The following CERS6 variants were observed in gnomAD, a reference collection of about 807,000 sequenced individuals.
CERS6 encodes the protein LAG1 homolog, ceramide synthase 6.
In CERS6, 26 loss-of-function variants were observed where a neutral mutation model predicts 56.8. The observed-to-expected ratio is 0.46, with a 90% confidence interval of 0.34 to 0.63. The LOEUF (loss-of-function observed/expected upper bound fraction) is 0.63, where lower values mean the gene tolerates loss of function less well. Ranked by LOEUF, CERS6 falls within the 30% of genes least tolerant of loss-of-function variation. CERS6 has a pLI of 0.01. For synonymous variants in CERS6, 164 were observed against 173.3 expected (o/e 0.95, Z 0.42); for missense variants, 415 against 467.5 (o/e 0.89, Z 1.04).
chr2:168,755,024 C>T (rs1319374676), intron 8 of CERS6, among the ~76,000 whole-genome samples: 4 of 152,222 alleles, frequency 2.6e-5, no homozygotes, highest in African/African-American at 9.6e-5. Flanking sequence ...CCCACCTCAG[C>T]CTCCCAAAGC....
At chr2:168,677,086 G>A (rs190800684) in intron 4 of CERS6, among the ~76,000 whole-genome samples, 134 of 149,946 alleles carry the variant, frequency 8.9e-4, no homozygotes, top group Admixed American at 1.5e-3. Context: ...TCGTTACACA[G>A]GTATACATGT....
intron 4 of CERS6, among the ~76,000 whole-genome samples, chr2:168,638,166 G>A (rs1415420046): frequency 6.6e-6 from 1 of 152,086 alleles, no homozygotes; most frequent in African/African-American, 2.4e-5. Context: ...GAGAATCTGT[G>A]GTTGCTGCAT....
At chr2:168,512,394 A>G (rs901816028) in intron 1 of CERS6, among the ~76,000 whole-genome samples, 3 of 152,102 alleles carry the variant, frequency 2.0e-5, no homozygotes, top group African/African-American at 7.2e-5. Context: ...GTCTCATCAC[A>G]TATCTCCCTA....
At chr2:168,695,448 G>C (rs1307186501) in intron 6 of CERS6, among the ~76,000 whole-genome samples, 1 of 152,174 alleles carries the variant, frequency 6.6e-6, no homozygotes, top group Non-Finnish European at 1.5e-5. Flanking sequence ...TTGCAGGGTT[G>C]TCCAGTGTCA....
intron 6 of CERS6, among the ~76,000 whole-genome samples, chr2:168,709,590 G>A (rs1042345494): frequency 6.6e-6 from 1 of 152,122 alleles, no homozygotes. Flanking sequence ...ACGTGTCCAC[G>A]CCAGTCTGTT....
At chr2:168,494,073 C>T (rs912250399) in intron 1 of CERS6, among the ~76,000 whole-genome samples, 3 of 152,086 alleles carry the variant, frequency 2.0e-5, no homozygotes, top group African/African-American at 2.4e-5. Context: ...TAGGAGGAAT[C>T]GTCGAGGGCT....
At chr2:168,518,578 A>G (rs913853103) in intron 1 of CERS6, among the ~76,000 whole-genome samples, 1 of 151,742 alleles carries the variant, frequency 6.6e-6, no homozygotes, top group Non-Finnish European at 1.5e-5. Flanking sequence ...CTGCCCTTAT[A>G]TGACTGGCGT....
intron 1 of CERS6, among the ~76,000 whole-genome samples, chr2:168,480,177 T>C (rs557302284): frequency 6.6e-6 from 1 of 152,338 alleles, no homozygotes; most frequent in South Asian, 2.1e-4. Context: ...TGGATGAGTC[T>C]TTGAGTCCTT....
At chr2:168,677,077 C>G (rs536195028) in intron 4 of CERS6, among the ~76,000 whole-genome samples, 1 of 140,456 alleles carries the variant, frequency 7.1e-6, no homozygotes, top group African/African-American at 2.7e-5. Context: ...TGTGCAGGTT[C>G]GTTACACAGG....
intron 1 of CERS6, among the ~76,000 whole-genome samples, chr2:168,546,866 C>T (rs1035675250): frequency 6.6e-6 from 1 of 152,204 alleles, no homozygotes; most frequent in African/African-American, 2.4e-5. Context: ...ATGCACTTCA[C>T]CTGCTCCCCT....
At chr2:168,760,722 C>G (rs1684547829) in intron 8 of CERS6, among the ~76,000 whole-genome samples, 1 of 150,824 alleles carries the variant, frequency 6.6e-6, no homozygotes, top group South Asian at 2.1e-4. Context: ...AAGGCTCTTT[C>G]CTGGGTTTAC....
intron 4 of CERS6, among the ~76,000 whole-genome samples, chr2:168,654,265 T>C (rs1685415337): frequency 6.6e-6 from 1 of 152,204 alleles, no homozygotes; most frequent in East Asian, 1.9e-4. Context: ...ATGTGTGTCG[T>C]AGGCCTGGTG....
intron 3 of CERS6, among the ~76,000 whole-genome samples, chr2:168,612,473 T>C (rs1466640286): frequency 6.6e-6 from 1 of 152,224 alleles, no homozygotes; most frequent in Non-Finnish European, 1.5e-5. Flanking sequence ...AGAAGAAAAC[T>C]CAGGGTTAAG....
intron 3 of CERS6, among the ~76,000 whole-genome samples, chr2:168,626,219 G>T (rs1249085275): frequency 6.6e-6 from 1 of 152,056 alleles, no homozygotes; most frequent in Non-Finnish European, 1.5e-5. Flanking sequence ...CTTCCTATTT[G>T]TAAAGTGCTT....
intron 8 of CERS6, among the ~76,000 whole-genome samples, chr2:168,749,327 T>C (rs58890083): frequency 0.07 from 10,725 of 152,246 alleles, 741 homozygotes; most frequent in African/African-American, 0.17. Flanking sequence ...GCTGCTTCTT[T>C]TGTTCAGACG....
At chr2:168,500,651 A>C (rs1163578228) in intron 1 of CERS6, among the ~76,000 whole-genome samples, 1 of 152,202 alleles carries the variant, frequency 6.6e-6, no homozygotes, top group Admixed American at 6.6e-5. Flanking sequence ...AGGGAAACAA[A>C]CATTAAAACT....
At chr2:168,611,575 T>G (rs1684190452) in intron 3 of CERS6, among the ~76,000 whole-genome samples, 1 of 152,254 alleles carries the variant, frequency 6.6e-6, no homozygotes, top group Non-Finnish European at 1.5e-5. Context: ...GATTTATCCG[T>G]GTATCATGTC....
intron 6 of CERS6, among the ~76,000 whole-genome samples, chr2:168,701,779 GCAGATTGCTTAAGCCCAGGAGT>G (rs1315956009): frequency 6.6e-6 from 1 of 152,080 alleles, no homozygotes; most frequent in Non-Finnish European, 1.5e-5. Flanking sequence ...TCTGAGGCGG[GCAGATTGCTTAAGCCCAGGAGT>G]TTAAGACCTG....
rs536979594 is a variant in CERS6, at chr2:168,479,591, A to G, written c.170+22973A>G. 3.3e-5 allele frequency among the ~76,000 whole-genome samples: 5 copies of G among 152,136 alleles called. No homozygotes were observed. In the South Asian group the frequency reaches 1.0e-3, roughly 32 times the overall value. On this transcript the variant is annotated intron_variant, in intron 1 of 9. Transcript: ENST00000305747. ...CACTTGTGCCCAAGCCTGAGATGTTAAATACCCTTTCTTTTTTATTTTGTT... is the reference window on the plus strand; with the variant it reads ...CACTTGTGCCCAAGCCTGAGATGTTGAATACCCTTTCTTTTTTATTTTGTT...
Sources: gnomAD v4.1 joint callset for allele counts (sites outside exome capture counted in the v4.1 genomes callset) on GRCh38, gnomAD v4.1.1 for gene constraint, MANE v1.5 for transcripts, NCBI Gene and HGNC (gene_info 2026-07-23, HGNC 2026-07-21) for gene names.